The following NEGR1 variants were observed in gnomAD, a reference collection of about 807,000 sequenced individuals.
NEGR1 encodes neuronal growth regulator 1.
Under a neutral mutation model 40.9 loss-of-function variants are expected in NEGR1, and 10 were observed. That is an observed-to-expected ratio of 0.24 (90% CI 0.15 to 0.42). The LOEUF (loss-of-function observed/expected upper bound fraction) is 0.42, where lower values mean the gene tolerates loss of function less well. Ranked by LOEUF, NEGR1 falls within the 10% of genes least tolerant of loss-of-function variation. The pLI, the probability that NEGR1 is intolerant of heterozygous loss-of-function variation, is 1.00. For synonymous variants in NEGR1, 185 were observed against 166.8 expected (o/e 1.11, Z -0.84); for missense variants, 352 against 438.9 (o/e 0.80, Z 1.77).
At chr1:71,803,247 A>C (rs369671335) in intron 2 of NEGR1, among the ~76,000 whole-genome samples, 8 of 152,274 alleles carry the variant, frequency 5.3e-5, no homozygotes, top group African/African-American at 1.9e-4. Flanking sequence ...ACACCAAAAA[A>C]TGGCCATGTG....
intron 2 of NEGR1, among the ~76,000 whole-genome samples, chr1:71,793,719 C>A (rs1026321136): frequency 2.6e-5 from 4 of 151,830 alleles, no homozygotes; most frequent in Non-Finnish European, 1.5e-5. Context: ...TTTGCCTAAG[C>A]AAGTGTTCTT....
chr1:71,836,535 T>C (rs1659038902), intron 2 of NEGR1, among the ~76,000 whole-genome samples: 2 of 151,386 alleles, frequency 1.3e-5, no homozygotes, highest in Admixed American at 1.3e-4. Flanking sequence ...CAGGTACAGC[T>C]TGGGGAAACA....
At chr1:72,088,792 CTCTCTTTTTT>C (rs1648329102) in intron 1 of NEGR1, among the ~76,000 whole-genome samples, 7 of 124,142 alleles carry the variant, frequency 5.6e-5, no homozygotes, top group African/African-American at 1.6e-4. Flanking sequence ...AGTTCTCTCT[CTCTCTTTTTT>C]TTTTTTTTTT....
intron 1 of NEGR1, among the ~76,000 whole-genome samples, chr1:72,093,384 T>C (rs528773766): frequency 6.7e-6 from 1 of 149,672 alleles, no homozygotes; most frequent in South Asian, 2.1e-4. Flanking sequence ...AAATTTTAGT[T>C]ATTAAACTAA....
intron 2 of NEGR1, among the ~76,000 whole-genome samples, chr1:71,829,868 G>A (rs1250323862): frequency 6.6e-6 from 1 of 151,902 alleles, no homozygotes; most frequent in African/African-American, 2.4e-5. Flanking sequence ...GTTAGGCACA[G>A]CCTTTTATTA....
intron 1 of NEGR1, among the ~76,000 whole-genome samples, chr1:72,183,376 C>G (rs1652463989): frequency 6.6e-6 from 1 of 152,076 alleles, no homozygotes; most frequent in Non-Finnish European, 1.5e-5. Context: ...ATCAGCCAGG[C>G]AAAGACTGCC....
intron 2 of NEGR1, among the ~76,000 whole-genome samples, chr1:71,884,017 G>T (rs2101846184): frequency 6.6e-6 from 1 of 151,840 alleles, no homozygotes; most frequent in Non-Finnish European, 1.5e-5. Context: ...TAGATATTAT[G>T]ACTCTTTTGT....
intron 1 of NEGR1, among the ~76,000 whole-genome samples, chr1:72,068,411 G>A (rs577429217): frequency 6.6e-6 from 1 of 152,216 alleles, no homozygotes; most frequent in Admixed American, 6.5e-5. Context: ...ACCTGATCTA[G>A]CCCCTAGCTC....
In NEGR1 at chr1:72,201,509, T is replaced by C. The variant is rs1336963907; in HGVS notation, c.176+80810A>G. Reference sequence around the variant, plus strand: ...AATTACATGCTTGTACTCTTAACAATGCACGTAACTCAAGTAAAATGAGAA... The same window carrying C: ...AATTACATGCTTGTACTCTTAACAACGCACGTAACTCAAGTAAAATGAGAA... On this transcript the variant is annotated intron_variant, in intron 1 of 6. Transcript: ENST00000357731. 3.3e-5 allele frequency among the ~76,000 whole-genome samples: 5 copies of C among 151,802 alleles called. No homozygotes were observed. In the East Asian group the frequency reaches 9.7e-4, roughly 29 times the overall value.
intron 1 of NEGR1, among the ~76,000 whole-genome samples, chr1:72,020,522 G>C (rs992965215): frequency 1.3e-5 from 2 of 152,046 alleles, no homozygotes. Context: ...ACAAAACACA[G>C]ATCAGCCTTA....
At chr1:71,922,069 C>A (rs542938671) in intron 2 of NEGR1, among the ~76,000 whole-genome samples, 1 of 152,252 alleles carries the variant, frequency 6.6e-6, no homozygotes, top group African/African-American at 2.4e-5. Context: ...CTTTTGTAAG[C>A]AGGTCTCACT....
intron 6 of NEGR1, among the ~76,000 whole-genome samples, chr1:71,443,127 G>C (rs547773448): frequency 6.6e-6 from 1 of 152,218 alleles, no homozygotes; most frequent in Non-Finnish European, 1.5e-5. Flanking sequence ...TTCTTCATTC[G>C]CTTTAGCTAT....
chr1:71,935,831 C>T (rs1425289470), intron 1 of NEGR1, among the ~76,000 whole-genome samples: 1 of 152,080 alleles, frequency 6.6e-6, no homozygotes, highest in Non-Finnish European at 1.5e-5. Context: ...CAGGGTCTTA[C>T]TCTGTCGCCC....
intron 1 of NEGR1, among the ~76,000 whole-genome samples, chr1:71,974,227 T>C: frequency 6.6e-6 from 1 of 152,298 alleles, no homozygotes; most frequent in East Asian, 1.9e-4. Flanking sequence ...CCATATTACA[T>C]TACTCACTAT....
At chr1:72,057,979 T>A (rs1192374918) in intron 1 of NEGR1, among the ~76,000 whole-genome samples, 1 of 151,570 alleles carries the variant, frequency 6.6e-6, no homozygotes, top group Middle Eastern at 3.2e-3. Flanking sequence ...ATATGAGCTT[T>A]GAGGGATCAC....
chr1:71,857,064 C>A (rs7534241), intron 2 of NEGR1, among the ~76,000 whole-genome samples: 18,354 of 151,830 alleles, frequency 0.12, 1,193 homozygotes, highest in African/African-American at 0.15. Context: ...CAAATGATAT[C>A]GCACTGAGAT....
At chr1:71,513,346 G>T (rs1465623844) in intron 6 of NEGR1, among the ~76,000 whole-genome samples, 2 of 152,146 alleles carry the variant, frequency 1.3e-5, no homozygotes, top group Admixed American at 6.5e-5. Context: ...TCATCTTGGA[G>T]AATCTGCCAT....
At chr1:71,435,594 G>A (rs1646503968) in intron 6 of NEGR1, among the ~76,000 whole-genome samples, 1 of 152,066 alleles carries the variant, frequency 6.6e-6, no homozygotes, top group Non-Finnish European at 1.5e-5. Flanking sequence ...AAGATTTAAA[G>A]CAGGAAAGGA....
chr1:72,150,939 T>C (rs1333503658), intron 1 of NEGR1, among the ~76,000 whole-genome samples: 2 of 151,964 alleles, frequency 1.3e-5, no homozygotes, highest in African/African-American at 4.8e-5. Flanking sequence ...TTTTAGGTAA[T>C]GGCCCAACAA....
Sources: allele counts gnomAD v4.1 joint callset (sites outside exome capture counted in the v4.1 genomes callset), GRCh38; gene constraint gnomAD v4.1.1; transcripts MANE v1.5; gene names NCBI Gene and HGNC (gene_info 2026-07-23, HGNC 2026-07-21).